DAB1: variants seen among roughly 807,000 people sequenced by gnomAD.
DAB1 encodes disabled homolog 1.
DAB1 carries 15 observed loss-of-function variants against 64.6 expected under a neutral mutation model. The ratio of observed to expected loss-of-function variants is 0.23; its 90% confidence interval spans 0.16 to 0.36. The LOEUF (loss-of-function observed/expected upper bound fraction) is 0.36, where lower values mean the gene tolerates loss of function less well. Ranked by LOEUF, DAB1 falls within the 10% of genes least tolerant of loss-of-function variation. The probability of loss-of-function intolerance (pLI) is 1.00; values close to 1 mark genes in which losing one functional copy is unlikely to be tolerated. For synonymous variants in DAB1, 235 were observed against 251.9 expected (o/e 0.93, Z 0.64); for missense variants, 596 against 706.7 (o/e 0.84, Z 1.78).
intron 4 of DAB1, among the ~76,000 whole-genome samples, chr1:57,135,863 G>C (rs903325660): frequency 6.6e-5 from 10 of 152,132 alleles, no homozygotes; most frequent in Non-Finnish European, 1.3e-4. Flanking sequence ...TAAGGAAAAA[G>C]ACATCTATTT....
chr1:57,488,016 ATC>A (rs1379591103), intron 7 of DAB1, among the ~76,000 whole-genome samples: 1 of 152,226 alleles, frequency 6.6e-6, no homozygotes, highest in Non-Finnish European at 1.5e-5. Flanking sequence ...TATTGAGTAT[ATC>A]TAGTTATCTC....
intron 6 of DAB1, among the ~76,000 whole-genome samples, chr1:57,728,392 G>A (rs2101769384): frequency 6.6e-6 from 1 of 152,256 alleles, no homozygotes; most frequent in African/African-American, 2.4e-5. Flanking sequence ...AGGAGATCGA[G>A]ACCATCCTGG....
rs372902875 is a variant in DAB1, at chr1:57,573,218, G to A, written n.625+76374C>T. 1.4e-3 allele frequency among the ~76,000 whole-genome samples: 212 copies of A among 152,120 alleles called. 1 individual carries two copies. The highest frequency in any genetic ancestry group is 4.7e-3 in the African/African-American group (196 of 41,504). On this transcript the variant is annotated intron_variant and non_coding_transcript_variant, in intron 7 of 20. Transcript: ENST00000485760. ...TCCTCCCGCCTCAGCCTTCCAAGTA[G>A]CTAGGACTCAGGTGTATACCATCAC...
At chr1:57,146,825 C>T (rs1659185753) in intron 2 of DAB1, among the ~76,000 whole-genome samples, 1 of 152,102 alleles carries the variant, frequency 6.6e-6, no homozygotes, top group South Asian at 2.1e-4. Flanking sequence ...AAGGTTCAAG[C>T]TTTAGAATCA....
At position 57,955,794 on chromosome 1, in the gene DAB1, G is replaced by GA. The variant is rs201565800; in HGVS notation, n.388-71633dup. On this transcript the variant is annotated intron_variant and non_coding_transcript_variant, in intron 5 of 20. Transcript: ENST00000485760. ...TTGGATTAACCAAAATGAAGCAGAA[G>GA]AAAAAAAAAATGAGCTAGAAAAACA... Among the ~76,000 whole-genome samples the GA allele has an allele frequency of 1.7e-3, 240 of 144,870 alleles. 1 individual carries two copies. Among genetic ancestry groups the GA allele is most frequent in the East Asian group, 0.013 (62 of 4,942 alleles).
intron 1 of DAB1, among the ~76,000 whole-genome samples, chr1:57,868,478 G>A (rs925784456): frequency 7.9e-5 from 12 of 152,146 alleles, no homozygotes; most frequent in Non-Finnish European, 1.2e-4. Context: ...TTCCCCATGA[G>A]CTGGCCTGGT....
chr1:57,093,534 C>A (rs772841582), intron 4 of DAB1, among the ~76,000 whole-genome samples: 1 of 152,016 alleles, frequency 6.6e-6, no homozygotes, highest in Admixed American at 6.6e-5. Flanking sequence ...ATTTCCTTAC[C>A]ATCACTCTGC....
chr1:58,433,968 A>G (rs1644913382), intron 3 of DAB1, among the ~76,000 whole-genome samples: 1 of 152,114 alleles, frequency 6.6e-6, no homozygotes, highest in Admixed American at 6.5e-5. Flanking sequence ...CCCAGGTGGG[A>G]GCTTCTTGGA....
At chr1:57,123,641 G>A (rs1409658843) in intron 4 of DAB1, among the ~76,000 whole-genome samples, 1 of 152,110 alleles carries the variant, frequency 6.6e-6, no homozygotes, top group Non-Finnish European at 1.5e-5. Flanking sequence ...GTTCAAAGCT[G>A]TGCTCAAAGA....
At chr1:57,359,864 A>ATAGATTCC (rs1469330252) in intron 1 of DAB1, among the ~76,000 whole-genome samples, 1 of 151,968 alleles carries the variant, frequency 6.6e-6, no homozygotes, top group Non-Finnish European at 1.5e-5. Flanking sequence ...TCCCCTCACT[A>ATAGATTCC]ACATGTGGAA....
rs1658760364 is a variant in DAB1, at chr1:57,142,995, AT to A, written c.207+2294del. ...AGCAATAATCAAGATCTTGGCCCTT[AT>A]CCCCATCTTTGACTAGGGTCCGCTT... On this transcript the variant is annotated intron_variant, in intron 3 of 14. Transcript: ENST00000371236. Among the ~76,000 whole-genome samples the A allele has an allele frequency of 1.1e-4, 16 of 152,304 alleles. 1 individual carries two copies. In the South Asian group the frequency reaches 3.1e-3, roughly 30 times the overall value.
chr1:57,851,447 G>A (rs1653520745), intron 1 of DAB1, among the ~76,000 whole-genome samples: 1 of 152,130 alleles, frequency 6.6e-6, no homozygotes, highest in Non-Finnish European at 1.5e-5. Context: ...CTCTGAGGTG[G>A]GCTGATTCTA....
At chr1:57,218,780 A>G (rs556914245) in intron 2 of DAB1, among the ~76,000 whole-genome samples, 1 of 152,200 alleles carries the variant, frequency 6.6e-6, no homozygotes, top group East Asian at 1.9e-4. Context: ...CTGGGTGCAA[A>G]AGTAGGTGGC....
intron 4 of DAB1, among the ~76,000 whole-genome samples, chr1:58,180,872 A>C (rs76768327): frequency 0.011 from 1,747 of 152,228 alleles, 37 homozygotes; most frequent in African/African-American, 0.04. Flanking sequence ...TTTATTGAGA[A>C]CTGTTTTATG....
intron 2 of DAB1, among the ~76,000 whole-genome samples, chr1:57,214,254 C>T (rs558169440): frequency 7.9e-4 from 121 of 152,210 alleles, no homozygotes; most frequent in African/African-American, 2.9e-3. Context: ...TTTAAAAGGG[C>T]TTTATTCTCT....
At chr1:57,149,792 T>G (rs1659488685) in intron 2 of DAB1, among the ~76,000 whole-genome samples, 1 of 152,164 alleles carries the variant, frequency 6.6e-6, no homozygotes, top group African/African-American at 2.4e-5. Flanking sequence ...GCCTCATTTT[T>G]TCGTGTCACA....
At chr1:58,170,268 G>C (rs760311521) in intron 4 of DAB1, among the ~76,000 whole-genome samples, 3 of 152,112 alleles carry the variant, frequency 2.0e-5, no homozygotes, top group African/African-American at 4.8e-5. Flanking sequence ...TTAGGAAAAA[G>C]CCCAAGAATT....
chr1:58,480,907 C>CTTTTT, intron 3 of DAB1: 1 of 734,434 alleles, frequency 1.4e-6, no homozygotes, highest in East Asian at 2.6e-5. Flanking sequence ...TAAAAAGTAA[C>CTTTTT]ATAAAATGAT....
intron 3 of DAB1, among the ~76,000 whole-genome samples, chr1:58,445,205 T>C (rs1479806323): frequency 6.6e-6 from 1 of 152,242 alleles, no homozygotes; most frequent in East Asian, 1.9e-4. Context: ...AATCTACTTT[T>C]TGTGGTGATT....
Sources: gnomAD v4.1 joint callset for allele counts (sites outside exome capture counted in the v4.1 genomes callset) on GRCh38, gnomAD v4.1.1 for gene constraint, MANE v1.5 for transcripts, NCBI Gene and HGNC (gene_info 2026-07-23, HGNC 2026-07-21) for gene names.